Variants in SF3B3 observed in about 807,000 individuals in gnomAD.
SF3B3 encodes SAP 130.
A neutral mutation model predicts 139.2 loss-of-function variants in SF3B3; 33 were observed. The ratio of observed to expected loss-of-function variants is 0.24; its 90% CI spans 0.18 to 0.32. SF3B3 has a LOEUF of 0.32. Ranked by LOEUF, SF3B3 falls within the 10% of genes least tolerant of loss-of-function variation. The pLI is 1.00. For missense variants in SF3B3, 818 were observed against 1,509.4 expected (o/e 0.54, Z 7.59); for synonymous variants, 596 against 563.6 (o/e 1.06, Z -0.81).
intron 10 of SF3B3, among the ~76,000 whole-genome samples, chr16:70,546,917 A>T (rs1327331829): frequency 6.6e-6 from 1 of 151,828 alleles, no homozygotes; most frequent in African/African-American, 2.4e-5. Flanking sequence ...AGTCCCAGCT[A>T]CTCAGGAGGC....
chr16:70,540,897 T>A (rs1464598567), intron 8 of SF3B3, among the ~76,000 whole-genome samples: 2 of 152,258 alleles, frequency 1.3e-5, no homozygotes, highest in Non-Finnish European at 2.9e-5. Context: ...GGAACAATGC[T>A]GTGGTAGATG....
intron 11 of SF3B3, among the ~76,000 whole-genome samples, chr16:70,549,093 TAGAA>T (rs961128471): frequency 6.6e-6 from 1 of 152,296 alleles, no homozygotes; most frequent in African/African-American, 2.4e-5. Context: ...TGCAGCCTCA[TAGAA>T]AGAAAGCTCA....
intron 11 of SF3B3, among the ~76,000 whole-genome samples, chr16:70,553,443 A>C (rs2050348184): frequency 6.6e-6 from 1 of 152,204 alleles, no homozygotes; most frequent in South Asian, 2.1e-4. Flanking sequence ...TGAGTCAGCC[A>C]CTACATTGTG....
chr16:70,559,749 A>G (rs568341844), intron 15 of SF3B3, among the ~76,000 whole-genome samples: 6 of 151,990 alleles, frequency 3.9e-5, no homozygotes, highest in Admixed American at 6.6e-5. Flanking sequence ...GGATTTTTAT[A>G]CATTTGTGCT....
At chr16:70,571,222 GA>G in intron 25 of SF3B3, 23 bp downstream of exon 25, 1 of 1,502,950 alleles carries the variant, frequency 6.7e-7, no homozygotes, top group Non-Finnish European at 9.3e-7. Context: ...AATCTGAGCT[GA>G]AAAGGGAGAT....
intron 6 of SF3B3, chr16:70,537,943 G>A (rs1378984332): frequency 2.0e-6 from 1 of 491,788 alleles, no homozygotes; most frequent in Non-Finnish European, 4.1e-6. Flanking sequence ...ACCTAAGGAG[G>A]TGCCTTTTAG....
Position 70,568,507 on chromosome 16 carries a change from T to C in SF3B3, c.3165+12T>C, listed in dbSNP as rs770169469. 6.2e-7 allele frequency: 1 copy of C among 1,604,272 alleles called. No individual in the cohort carries two copies. The highest frequency in any genetic ancestry group is 8.5e-7 in the Non-Finnish European group (1 of 1,172,258). Reference sequence around the variant, plus strand: ...GCAACATATGTGTGGTGAGTTGATGTTGTTAACTTGGGTTACAGTGATGTG... The same window carrying C: ...GCAACATATGTGTGGTGAGTTGATGCTGTTAACTTGGGTTACAGTGATGTG... On this transcript the variant is annotated intron_variant, in intron 22 of 25. Transcript: ENST00000302516.
In SF3B3 at chr16:70,555,042, T is replaced by C. The variant is rs750034617; in HGVS notation, c.1555-9T>C. On this transcript the variant is annotated splice_polypyrimidine_tract_variant and intron_variant, in intron 12 of 25. Transcript: ENST00000302516. ...TTAAAGTCAGGTTTCTTTCTGTTAC[T>C]GACTCTAGGTCTATCCAGATGGCAT... is the stretch of plus-strand genomic sequence containing the variant. 1 of 1,611,874 alleles carries C rather than the reference T, an allele frequency of 6.2e-7. No homozygotes were observed. Among genetic ancestry groups the C allele is most frequent in the Non-Finnish European group, 8.5e-7 (1 of 1,178,748 alleles).
At chr16:70,552,997 G>A (rs1183260964) in intron 11 of SF3B3, among the ~76,000 whole-genome samples, 3 of 152,110 alleles carry the variant, frequency 2.0e-5, no homozygotes, top group African/African-American at 2.4e-5. Flanking sequence ...TGCGGCCTCC[G>A]CCTCCCGGGT....
At chr16:70,566,337 C>T (rs529837285) in intron 20 of SF3B3, among the ~76,000 whole-genome samples, 2 of 152,060 alleles carry the variant, frequency 1.3e-5, no homozygotes, top group South Asian at 4.2e-4. Context: ...CCGAGGTGGG[C>T]GGGTCACCTG....
At chr16:70,557,163 C>G in intron 15 of SF3B3, 134 bp downstream of exon 15, 2 of 885,338 alleles carry the variant, frequency 2.3e-6, no homozygotes, top group Non-Finnish European at 3.3e-6. Flanking sequence ...CAGTGTCACT[C>G]TGGGTTCCAC....
chr16:70,532,473 C>T lies in SF3B3; in HGVS notation c.571-6C>T. On this transcript the variant is annotated splice_region_variant and splice_polypyrimidine_tract_variant and intron_variant, in intron 4 of 25. Transcript: ENST00000302516. The stretch of plus-strand genomic sequence containing the variant: ...TGATTAGTTTTTATGCCACTATTCT[C>T]TGTAGGAAGCAGACAATGATCCAAC... The T allele has an allele frequency of 6.2e-7, 1 of 1,613,484 alleles. No homozygotes were observed. Among genetic ancestry groups the T allele is most frequent in the South Asian group, 1.1e-5 (1 of 91,066 alleles).
At chr16:70,567,605 G>T in intron 21 of SF3B3, 69 bp downstream of exon 21, 1 of 1,527,890 alleles carries the variant, frequency 6.5e-7, no homozygotes, top group Non-Finnish European at 8.8e-7. Context: ...GTGGGGTGGT[G>T]GGCATTGAGT....
chr16:70,553,289 A>C (rs539395626), intron 11 of SF3B3, among the ~76,000 whole-genome samples: 2 of 152,090 alleles, frequency 1.3e-5, no homozygotes, highest in South Asian at 2.1e-4. Flanking sequence ...TGATCTAGTA[A>C]CCTTAATCTA....
chr16:70,564,104 A>T (rs1326405691), intron 18 of SF3B3, 54 bp downstream of exon 18: 7 of 1,577,474 alleles, frequency 4.4e-6, no homozygotes, highest in Non-Finnish European at 6.0e-6. Context: ...AATTATGTTG[A>T]AAAGTTTAAA....
chr16:70,565,350 T>C lies in SF3B3; in HGVS notation c.2670-18T>C, dbSNP rs2050465696. On this transcript the variant is annotated intron_variant, in intron 19 of 25. Coordinates refer to ENST00000302516, the MANE Select transcript of SF3B3 (RefSeq NM_012426.5). ...GTTTTGACTAAGGCCTTACTCTTGCTTCTTATTCTGTGTGTAGTGTGGCTG... is the reference window on the plus strand; with the variant it reads ...GTTTTGACTAAGGCCTTACTCTTGCCTCTTATTCTGTGTGTAGTGTGGCTG... 1 of 1,613,980 alleles carries C rather than the reference T, an allele frequency of 6.2e-7. No homozygotes were observed. The highest frequency in any genetic ancestry group is 1.3e-5 in the African/African-American group (1 of 74,916).
At chr16:70,569,565 A>G (rs1035115327) in intron 23 of SF3B3, among the ~76,000 whole-genome samples, 1 of 152,216 alleles carries the variant, frequency 6.6e-6, no homozygotes, top group African/African-American at 2.4e-5. Context: ...AGCATGTTTT[A>G]TGAGGCATTA....
In SF3B3 at chr16:70,575,204, T is replaced by TC. The variant is rs1267511297; in HGVS notation, c.*3391_*3392insC. 18 of 144,898 alleles carry TC rather than the reference T, an allele frequency of 1.2e-4. No homozygotes were observed. The highest frequency in any genetic ancestry group is 5.5e-4 in the Admixed American group (8 of 14,540). The allele number at this position is 144,898 out of a possible 1,614,324, so 9.0% of individuals were successfully genotyped here. On this transcript the variant is annotated 3_prime_UTR_variant, in exon 26 of 26. Coordinates refer to ENST00000302516, the MANE Select transcript of SF3B3 (RefSeq NM_012426.5). ...TTCTTTTTCTTTTTTTTCTTTTTTT[T>TC]TTTTTTTTTTTTGAGATGAAGTCTT...
At chr16:70,534,443 G>A (rs569407510) in intron 5 of SF3B3, among the ~76,000 whole-genome samples, 18 of 152,252 alleles carry the variant, frequency 1.2e-4, no homozygotes, top group Admixed American at 9.8e-4. Flanking sequence ...TATTAAGACT[G>A]TAAGAGGGGA....
Sources: allele counts gnomAD v4.1 joint callset (sites outside exome capture counted in the v4.1 genomes callset), GRCh38; gene constraint gnomAD v4.1.1; transcripts MANE v1.5; gene names NCBI Gene and HGNC (gene_info 2026-07-23, HGNC 2026-07-21).